The following AP1AR variants were observed in gnomAD, a reference collection of about 807,000 sequenced individuals.
AP1AR encodes AP-1 complex-associated regulatory protein.
A neutral mutation model predicts 46.3 loss-of-function variants in AP1AR; 29 were observed. The observed-to-expected ratio is 0.63, with a 90% CI of 0.47 to 0.85. AP1AR has a LOEUF of 0.85. Among genes scored for constraint, AP1AR ranks in the 40% least tolerant of loss-of-function variants. AP1AR has a pLI of 0.00. For synonymous variants in AP1AR, 122 were observed against 122.9 expected, an observed-to-expected ratio of 0.99 and a Z score of 0.05; for missense variants, 357 against 356.3, an observed-to-expected ratio of 1.00 and a Z score of -0.02.
chr4:112,232,214 T>G (rs1284763816), intron 1 of AP1AR, 40 bp downstream of exon 1: 1 of 1,259,422 alleles, frequency 7.9e-7, no homozygotes, highest in African/African-American at 1.6e-5. Flanking sequence ...CCGTGGCTCC[T>G]CCTCTTCGGC....
intron 1 of AP1AR, among the ~76,000 whole-genome samples, chr4:112,232,785 A>G (rs528549749): frequency 1.3e-5 from 2 of 152,260 alleles, no homozygotes; most frequent in East Asian, 3.9e-4. Context: ...TTTTCGTATT[A>G]AGTTTTTGAA....
Position 112,272,577 on chromosome 4 carries a change from A to G in AP1AR, c.*4168A>G, listed in dbSNP as rs899275166. Among the ~76,000 whole-genome samples the G allele has an allele frequency of 3.9e-5, 6 of 152,232 alleles. No individual in the cohort carries two copies. Among genetic ancestry groups the G allele is most frequent in the Admixed American group, 3.9e-4 (6 of 15,286 alleles). On this transcript the variant is annotated 3_prime_UTR_variant, in exon 10 of 10. Transcript: ENST00000274000. ...ATACAGGGAGGGAAGAGATGGGGAA[A>G]AAAATAGGAAATAATAAATCTCTAA...
rs1282028233 is a variant in AP1AR, at chr4:112,269,307, C to T, written c.*898C>T. ...GTAATACGGGTATTTCAAATAAAAT[C>T]CTTTCTGGTATGAAAGGCTCCATTG... On this transcript the variant is annotated 3_prime_UTR_variant, in exon 10 of 10. Transcript: ENST00000274000. The T allele has an allele frequency of 2.6e-5, 4 of 152,060 alleles. No homozygotes were observed. Among genetic ancestry groups the T allele is most frequent in the Admixed American group, 6.6e-5 (1 of 15,228 alleles). The allele number at this position is 152,060 out of a possible 1,614,324, so 9.4% of individuals were successfully genotyped here.
At chr4:112,257,743 T>C in intron 3 of AP1AR, 29 bp from the exon 4 acceptor site, 1 of 359,140 alleles carries the variant, frequency 2.8e-6, no homozygotes, top group Non-Finnish European at 3.5e-6. Context: ...AATGAATTTG[T>C]TTTAATTGTT....
In AP1AR at chr4:112,268,317, G is replaced by A; in HGVS notation, c.817G>A (p.Gly273Arg). Residue 273 changes from glycine to arginine, a missense_variant, in exon 10 of 10, where the codon GGA becomes AGA. Around this residue, in one of 2 missense-constraint regions of AP1AR, gnomAD observed 88 missense variants for 132.7 expected, o/e 0.66. Transcript: ENST00000274000. ...TGTTAGTGCCGAAATGGATGATAAT[G>A]GAAATTCCGAGTATTCTGGATTTGT... ...DFVSAEMDDN[G>R]NSEYSGFVNP... 6.2e-7 allele frequency: 1 copy of A among 1,613,156 alleles called. No homozygotes were observed. Among genetic ancestry groups the A allele is most frequent in the Non-Finnish European group, 8.5e-7 (1 of 1,179,354 alleles).
At position 112,253,087 on chromosome 4, in the gene AP1AR, ATATAAC is replaced by A. The variant is rs200785150; in HGVS notation, c.84-116_84-111del. 1,112 of 636,948 alleles carry A rather than the reference ATATAAC, an allele frequency of 1.7e-3. 7 individuals carry two copies. The highest frequency in any genetic ancestry group is 0.017 in the African/African-American group (894 of 52,810). The allele number at this position is 636,948 out of a possible 1,614,324, so 39.5% of individuals were successfully genotyped here. On this transcript the variant is annotated intron_variant, in intron 1 of 9. Coordinates refer to ENST00000274000, the MANE Select transcript of AP1AR (RefSeq NM_018569.6). ...AAATTTTGTTGTTCTTTTTTTATAA[ATATAAC>A]TATATGTTAGAGATTTTAAAGTTGC...
In AP1AR at chr4:112,271,043, G is replaced by A. The variant is rs897452133; in HGVS notation, c.*2634G>A. On this transcript the variant is annotated 3_prime_UTR_variant, in exon 10 of 10. Transcript: ENST00000274000. ...GTAGAATCATCAGGATTTTCTGATG[G>A]GTTGGATATAAGACTAAAGGAAGGG... is the stretch of plus-strand genomic sequence containing the variant. 2.6e-5 allele frequency among the ~76,000 whole-genome samples: 4 copies of A among 152,156 alleles called. No homozygotes were observed. The highest frequency in any genetic ancestry group is 9.7e-5 in the African/African-American group (4 of 41,438).
chr4:112,241,861 G>A (rs1313784809), intron 1 of AP1AR, among the ~76,000 whole-genome samples: 1 of 151,658 alleles, frequency 6.6e-6, no homozygotes, highest in Non-Finnish European at 1.5e-5. Flanking sequence ...TTTTTGCCAG[G>A]CATTAGATTT....
At chr4:112,252,149 G>A (rs960006986) in intron 1 of AP1AR, among the ~76,000 whole-genome samples, 2 of 152,208 alleles carry the variant, frequency 1.3e-5, no homozygotes, top group African/African-American at 4.8e-5. Flanking sequence ...TGAGGCAGGA[G>A]GATCACTTGA....
chr4:112,249,904 A>G (rs1725881391), intron 1 of AP1AR, among the ~76,000 whole-genome samples: 1 of 152,212 alleles, frequency 6.6e-6, no homozygotes, highest in Admixed American at 6.5e-5. Context: ...CATGGCAATT[A>G]CTATCATCTG....
intron 6 of AP1AR, 141 bp from the exon 7 acceptor site, chr4:112,264,868 G>A: frequency 1.6e-6 from 1 of 635,010 alleles, no homozygotes. Context: ...GAATAGTGAT[G>A]GATTTAAGGA....
Position 112,268,136 on chromosome 4 carries a change from A to G in AP1AR, c.644-8A>G. On this transcript the variant is annotated splice_region_variant and splice_polypyrimidine_tract_variant and intron_variant, in intron 9 of 9. Transcript: ENST00000274000. ...CTGAGATTTTTGAAAACTCTGTTCAAATCATAGGAATGAATAGAATGCTTC... is the reference window on the plus strand; with the variant it reads ...CTGAGATTTTTGAAAACTCTGTTCAGATCATAGGAATGAATAGAATGCTTC... 4 of 1,526,600 alleles carry G rather than the reference A, an allele frequency of 2.6e-6. No homozygotes were observed. Among genetic ancestry groups the G allele is most frequent in the Non-Finnish European group, 3.5e-6 (4 of 1,139,770 alleles). 94.6% of individuals were successfully genotyped at this position (1,526,600 alleles called of 1,614,324 possible).
intron 1 of AP1AR, among the ~76,000 whole-genome samples, chr4:112,251,336 A>G (rs903533523): frequency 6.6e-6 from 1 of 152,224 alleles, no homozygotes; most frequent in Non-Finnish European, 1.5e-5. Context: ...AACAGATAAC[A>G]CTTTTGCCTA....
chr4:112,265,759 TC>T lies in AP1AR; in HGVS notation c.467del (p.Ser156PhefsTer3). 1 of 1,610,030 alleles carries T rather than the reference TC, an allele frequency of 6.2e-7. No homozygotes were observed. Among genetic ancestry groups the T allele is most frequent in the Non-Finnish European group, 8.5e-7 (1 of 1,177,736 alleles). On this transcript the variant is annotated frameshift_variant, in exon 8 of 10. Coordinates refer to ENST00000274000, the MANE Select transcript of AP1AR (RefSeq NM_018569.6). LOFTEE classifies it high-confidence loss of function. ...QSSGPEDDFE[S>X]CLRNMKSQYE... is the part of the protein sequence containing the mutation. ...TTCAGGACCAGAAGATGACTTCGAA[TC>T]TTGTTTGAGAAATATGAAGTCACAG... is the stretch of plus-strand genomic sequence containing the variant.
chr4:112,262,085 A>G (rs1474146491), intron 5 of AP1AR, among the ~76,000 whole-genome samples: 2 of 152,106 alleles, frequency 1.3e-5, no homozygotes, highest in Non-Finnish European at 2.9e-5. Context: ...AGGCCAAGAC[A>G]GGCAGATTGC....
At chr4:112,259,398 G>C (rs1418512893) in intron 4 of AP1AR, among the ~76,000 whole-genome samples, 2 of 152,166 alleles carry the variant, frequency 1.3e-5, no homozygotes, top group African/African-American at 4.8e-5. Flanking sequence ...CTCTTAATCT[G>C]TCTTCGTTTC....
At chr4:112,248,813 A>G (rs1725830098) in intron 1 of AP1AR, among the ~76,000 whole-genome samples, 2 of 152,112 alleles carry the variant, frequency 1.3e-5, no homozygotes, top group South Asian at 4.1e-4. Flanking sequence ...CATTCCAGCC[A>G]TTCTGACCCT....
At position 112,242,236 on chromosome 4, in the gene AP1AR, C is replaced by T. The variant is rs181881018; in HGVS notation, c.83+10062C>T. ...ATCTTGAAATCTACCTTGAGAACATCGATAAGTGAATATGTATGCAAGTAT... is the reference window on the plus strand; with the variant it reads ...ATCTTGAAATCTACCTTGAGAACATTGATAAGTGAATATGTATGCAAGTAT... On this transcript the variant is annotated intron_variant, in intron 1 of 9. Transcript: ENST00000274000. Among the ~76,000 whole-genome samples, 87 of 152,242 alleles carry T rather than the reference C, an allele frequency of 5.7e-4. 1 individual carries two copies. The highest frequency in any genetic ancestry group is 8.4e-4 in the African/African-American group (35 of 41,554).
intron 2 of AP1AR, among the ~76,000 whole-genome samples, chr4:112,253,808 T>C (rs1040604806): frequency 6.6e-6 from 1 of 152,136 alleles, no homozygotes; most frequent in Admixed American, 6.5e-5. Context: ...GGTGGAGAAA[T>C]TGGGCTATAT....
Sources: allele counts gnomAD v4.1 joint callset (sites outside exome capture counted in the v4.1 genomes callset), GRCh38; gene constraint gnomAD v4.1.1; regional missense constraint gnomAD v4.1.1; transcripts MANE v1.5; gene names NCBI Gene and HGNC (gene_info 2026-07-23, HGNC 2026-07-21).